Variants in ZNF148 observed in about 807,000 individuals in gnomAD.
ZNF148 encodes Beta-Enolase Repressor Factor-1.
ZNF148 carries 7 observed loss-of-function variants against 67.7 expected under a neutral mutation model. That is an observed-to-expected ratio of 0.10 (90% CI 0.06 to 0.19). The LOEUF is 0.19. Among genes scored for constraint, ZNF148 ranks in the 10% least tolerant of loss-of-function variants. The pLI is 1.00. For synonymous variants in ZNF148, 333 were observed against 330.7 expected (o/e 1.01, Z -0.08); for missense variants, 583 against 947.1 (o/e 0.62, Z 5.05).
At chr3:125,262,164 T>C (rs776312235) in intron 7 of ZNF148, among the ~76,000 whole-genome samples, 1 of 152,218 alleles carries the variant, frequency 6.6e-6, no homozygotes, top group Non-Finnish European at 1.5e-5. Context: ...AGACAGATAC[T>C]GATATCAATC....
chr3:125,330,465 C>CAAAAAAAAAA (rs200643048), intron 2 of ZNF148, among the ~76,000 whole-genome samples: 162 of 118,430 alleles, frequency 1.4e-3, no homozygotes, highest in African/African-American at 6.2e-3. Flanking sequence ...AACCCTATCT[C>CAAAAAAAAAA]AAAAAAAAAA....
Position 125,329,647 on chromosome 3 carries a change from C to T in ZNF148, c.-153+1511G>A, listed in dbSNP as rs138769160. On this transcript the variant is annotated intron_variant, in intron 2 of 8. Coordinates refer to ENST00000360647, the MANE Select transcript of ZNF148 (RefSeq NM_021964.3). ...TGCTGGGATTACAGGCATGAGCGATCGCGCCTAGCCAGATATATTTTTAAA... is the reference window on the plus strand; with the variant it reads ...TGCTGGGATTACAGGCATGAGCGATTGCGCCTAGCCAGATATATTTTTAAA... Among the ~76,000 whole-genome samples the T allele has an allele frequency of 7.6e-4, 115 of 151,534 alleles. No homozygotes were observed. The East Asian group carries it at 0.021, about 27-fold the overall frequency.
At chr3:125,251,008 G>T (rs1029323875) in intron 7 of ZNF148, among the ~76,000 whole-genome samples, 1 of 152,038 alleles carries the variant, frequency 6.6e-6, no homozygotes, top group African/African-American at 2.4e-5. Context: ...ATTTTATTTC[G>T]TCTAACCCTT....
intron 1 of ZNF148, among the ~76,000 whole-genome samples, chr3:125,355,610 G>A (rs767075422): frequency 6.6e-6 from 1 of 152,064 alleles, no homozygotes; most frequent in Non-Finnish European, 1.5e-5. Context: ...GGTCGGGCTG[G>A]GCACAGTGGC....
At chr3:125,319,162 T>C (rs975026888) in intron 3 of ZNF148, among the ~76,000 whole-genome samples, 1 of 152,240 alleles carries the variant, frequency 6.6e-6, no homozygotes, top group Non-Finnish European at 1.5e-5. Context: ...ACCTTTCTCC[T>C]GTCTACCAGA....
Position 125,301,414 on chromosome 3 carries a change from T to C in ZNF148, c.333+11894A>G, listed in dbSNP as rs148809377. Among the ~76,000 whole-genome samples the C allele has an allele frequency of 7.5e-4, 114 of 152,320 alleles. No homozygotes were observed. In the East Asian group the frequency reaches 0.021, roughly 28 times the overall value. On this transcript the variant is annotated intron_variant, in intron 4 of 8. Coordinates refer to ENST00000360647, the MANE Select transcript of ZNF148 (RefSeq NM_021964.3). ...GCCATTGAGCTAAATCTGAGTGACT[T>C]AGAGAGCCAAAATAAATCCTGAAAA...
chr3:125,336,673 T>C (rs936642126), intron 1 of ZNF148, among the ~76,000 whole-genome samples: 10 of 124,526 alleles, frequency 8.0e-5, no homozygotes, highest in Non-Finnish European at 1.7e-4. Context: ...ACCCCAGAAA[T>C]CACCTTTTTT....
intron 4 of ZNF148, chr3:125,292,823 C>T (rs1397693083): frequency 1.3e-5 from 2 of 152,172 alleles, no homozygotes; most frequent in African/African-American, 4.8e-5. Flanking sequence ...ACAATAGTAG[C>T]TGCTTTTTAA....
intron 3 of ZNF148, among the ~76,000 whole-genome samples, chr3:125,315,471 G>A (rs964378959): frequency 2.0e-5 from 3 of 152,032 alleles, no homozygotes; most frequent in African/African-American, 7.2e-5. Context: ...CACTTTGGGA[G>A]GCCGAGGCGG....
intron 5 of ZNF148, among the ~76,000 whole-genome samples, chr3:125,280,989 C>G (rs1320928728): frequency 6.6e-6 from 1 of 152,082 alleles, no homozygotes; most frequent in African/African-American, 2.4e-5. Flanking sequence ...CTTCTCAAAC[C>G]TAGAAAAGGG....
chr3:125,308,879 T>C (rs1940043741), intron 4 of ZNF148, among the ~76,000 whole-genome samples: 1 of 152,116 alleles, frequency 6.6e-6, no homozygotes, highest in Non-Finnish European at 1.5e-5. Flanking sequence ...ATAAACAAAT[T>C]TTGATATTAA....
At chr3:125,360,631 T>A (rs1370360291) in intron 1 of ZNF148, among the ~76,000 whole-genome samples, 1 of 152,050 alleles carries the variant, frequency 6.6e-6, no homozygotes, top group Admixed American at 6.5e-5. Context: ...GTTTCCAATG[T>A]CTCATTTCTT....
chr3:125,280,033 A>G (rs1293748373), intron 5 of ZNF148, among the ~76,000 whole-genome samples: 2 of 152,050 alleles, frequency 1.3e-5, no homozygotes, highest in African/African-American at 2.4e-5. Flanking sequence ...AAGTTACAAT[A>G]TGGTAGAATT....
At chr3:125,352,183 A>G (rs1339380154) in intron 1 of ZNF148, among the ~76,000 whole-genome samples, 1 of 152,218 alleles carries the variant, frequency 6.6e-6, no homozygotes, top group African/African-American at 2.4e-5. Context: ...TACAAAAAAA[A>G]GTGGTAAACC....
At chr3:125,308,541 CA>C (rs1055222097) in intron 4 of ZNF148, among the ~76,000 whole-genome samples, 2 of 17,888 alleles carry the variant, frequency 1.1e-4, no homozygotes, top group African/African-American at 4.7e-4. Flanking sequence ...AAAAAAAAAA[CA>C]AAAACCTAAA....
In ZNF148 at chr3:125,246,041, C is replaced by T. The variant is rs938647467; in HGVS notation, c.668-11712G>A. Among the ~76,000 whole-genome samples the T allele has an allele frequency of 3.2e-4, 48 of 152,076 alleles. 2 individuals carry two copies. Among genetic ancestry groups the T allele is most frequent in the South Asian group, 1.7e-3 (8 of 4,824 alleles). ...CTAAACTACCATGCTTTTTTCTTAC[C>T]TCCATAATCATTTTCTGCTGATTTT... On this transcript the variant is annotated intron_variant, in intron 7 of 8. Transcript: ENST00000360647.
chr3:125,257,425 G>A (rs764451359), intron 7 of ZNF148, among the ~76,000 whole-genome samples: 2 of 151,992 alleles, frequency 1.3e-5, no homozygotes, highest in East Asian at 3.9e-4. Context: ...ACGTGGTGGC[G>A]TGCACCTGTA....
intron 7 of ZNF148, among the ~76,000 whole-genome samples, chr3:125,263,999 T>C (rs1937461083): frequency 6.6e-6 from 1 of 152,198 alleles, no homozygotes; most frequent in Non-Finnish European, 1.5e-5. Flanking sequence ...AGCCCCTAAG[T>C]AATGAGGTTC....
intron 4 of ZNF148, among the ~76,000 whole-genome samples, chr3:125,298,018 G>A (rs1939373461): frequency 6.6e-6 from 1 of 152,066 alleles, no homozygotes; most frequent in Admixed American, 6.5e-5. Flanking sequence ...GAAATTACAT[G>A]CAATAACATG....
Sources: gnomAD v4.1 joint callset for allele counts (sites outside exome capture counted in the v4.1 genomes callset) on GRCh38, gnomAD v4.1.1 for gene constraint, MANE v1.5 for transcripts, NCBI Gene and HGNC (gene_info 2026-07-23, HGNC 2026-07-21) for gene names.